The following SATL1 variants were observed in gnomAD, a reference collection of about 807,000 sequenced individuals.
SATL1 encodes the protein spermidine/spermine N1-acetyl transferase like 1, also known as spermidine/spermine N(1)-acetyltransferase-like protein 1.
Under a neutral mutation model 51.8 loss-of-function variants are expected in SATL1, and 47 were observed. That is an observed-to-expected ratio of 0.91 (90% CI 0.72 to 1.16). The LOEUF is 1.16. SATL1 is among the 50% of genes most tolerant of loss of function. The pLI is 0.00. For synonymous variants in SATL1, 176 were observed against 182.4 expected (o/e 0.97, Z 0.28); for missense variants, 520 against 526.4 (o/e 0.99, Z 0.12).
At chrX:85,217,386 T>C (rs986516250) in intron 2 of SATL1, among the ~76,000 whole-genome samples, 1 of 110,349 alleles carries the variant, frequency 9.1e-6, no homozygotes, top group Admixed American at 9.7e-5. Flanking sequence ...CAAAAAGTAG[T>C]GGTAGTAATT....
At chrX:85,166,949 G>A (rs866501693) in intron 2 of SATL1, among the ~76,000 whole-genome samples, 140 of 96,149 alleles carry the variant, frequency 1.5e-3, no homozygotes, top group African/African-American at 4.7e-3. Flanking sequence ...GTATGTGTGT[G>A]TGTGTGTGTG....
chrX:85,236,575 G>T (rs746404801), intron 1 of SATL1, among the ~76,000 whole-genome samples: 2 of 111,424 alleles, frequency 1.8e-5, no homozygotes, highest in Admixed American at 1.9e-4. Context: ...CTAACAGAAT[G>T]TAGGACAAAA....
chrX:85,137,094 C>T (rs1410616994), intron 2 of SATL1, among the ~76,000 whole-genome samples: 1 of 110,986 alleles, frequency 9.0e-6, no homozygotes, highest in Non-Finnish European at 1.9e-5. Context: ...AGCGTGGGCT[C>T]AGGAACACAT....
chrX:85,122,096 C>T (rs1312184507), intron 2 of SATL1, among the ~76,000 whole-genome samples: 1 of 109,553 alleles, frequency 9.1e-6, no homozygotes, highest in Non-Finnish European at 1.9e-5. Context: ...CATTCTCTCT[C>T]GCTCTCATAT....
At chrX:85,139,768 CT>C (rs751644150) in intron 2 of SATL1, among the ~76,000 whole-genome samples, 18 of 111,598 alleles carry the variant, frequency 1.6e-4, no homozygotes, top group Non-Finnish European at 3.2e-4. Flanking sequence ...TATACTATGC[CT>C]TTTTCAAGAT....
intron 2 of SATL1, among the ~76,000 whole-genome samples, chrX:85,212,410 G>C (rs949915041): frequency 9.0e-6 from 1 of 111,457 alleles, no homozygotes; most frequent in African/African-American, 3.2e-5. Flanking sequence ...CAGACATCCT[G>C]AGAAAGAACA....
chrX:85,191,501 C>T (rs1392449859), intron 2 of SATL1, among the ~76,000 whole-genome samples: 2 of 111,375 alleles, frequency 1.8e-5, no homozygotes, highest in African/African-American at 6.5e-5. Context: ...GGAGCACTGA[C>T]ACCATGTGCA....
In SATL1 at chrX:85,187,919, G is replaced by GTT. The variant is rs1217682934; in HGVS notation, c.-313+36284_-313+36285dup. Among the ~76,000 whole-genome samples, 10 of 106,279 alleles carry GTT rather than the reference G, an allele frequency of 9.4e-5. No homozygotes were observed. The East Asian group carries it at 2.3e-3, about 25-fold the overall frequency. The allele number at this position is 106,279 out of a possible 115,157, so 92.3% of individuals were successfully genotyped here. ...GAATTTTCATTAATTTCTCTTTAAT[G>GTT]TTTTTTTTTTAAGTTCTAAACCTTT... On this transcript the variant is annotated intron_variant, in intron 2 of 7. Transcript: ENST00000644105.
rs773839396 is a variant in SATL1, at chrX:85,107,589, G to T, written c.1380C>A (p.Gly460=). The change falls in exon 3 of 8, where the codon GGC becomes GGA. Residue 460 remains glycine (G), a synonymous_variant. Transcript: ENST00000644105. The part of the protein sequence containing the change: ...VPSQLGMRQP[G]TSQSSKNQTG... ...TTTGGTTCTTACTTGATTGGCTAGT[G>T]CCTGGTTGTCTCATGCCTAGTTGGC... is the stretch of plus-strand genomic sequence containing the variant. 1.7e-6 allele frequency: 2 copies of T among 1,211,180 alleles called. No homozygotes were observed. Among genetic ancestry groups the T allele is most frequent in the African/African-American group, 3.5e-5 (2 of 57,602 alleles).
chrX:85,149,042 C>T (rs1399553818), intron 2 of SATL1, among the ~76,000 whole-genome samples: 1 of 111,481 alleles, frequency 9.0e-6, no homozygotes, highest in South Asian at 3.9e-4. Context: ...AGAGTCAAGA[C>T]CCATCAGTGT....
intron 2 of SATL1, among the ~76,000 whole-genome samples, chrX:85,147,022 C>A (rs1926264556): frequency 8.9e-6 from 1 of 112,625 alleles, no homozygotes; most frequent in Non-Finnish European, 1.9e-5. Flanking sequence ...CGAGGCATTG[C>A]CTCACTTGGG....
chrX:85,158,948 A>C (rs1037513805), intron 2 of SATL1, among the ~76,000 whole-genome samples: 3 of 111,845 alleles, frequency 2.7e-5, no homozygotes, highest in Non-Finnish European at 5.6e-5. Flanking sequence ...CCTAGATAAT[A>C]ATACAAAAAT....
chrX:85,140,163 C>T (rs772967757), intron 2 of SATL1, among the ~76,000 whole-genome samples: 1 of 112,130 alleles, frequency 8.9e-6, no homozygotes, highest in Non-Finnish European at 1.9e-5. Context: ...CATTTCTTGC[C>T]TGATTTTTTC....
chrX:85,106,113 C>T (rs762425311), intron 3 of SATL1, among the ~76,000 whole-genome samples: 1 of 111,700 alleles, frequency 9.0e-6, no homozygotes, highest in East Asian at 2.8e-4. Context: ...TTATTAATTG[C>T]CGACCGAGTG....
intron 1 of SATL1, among the ~76,000 whole-genome samples, chrX:85,227,514 G>T (rs1928299245): frequency 8.9e-6 from 1 of 111,948 alleles, no homozygotes; most frequent in African/African-American, 3.2e-5. Flanking sequence ...CTTGATAGAA[G>T]TATACACCAC....
At chrX:85,113,955 G>A (rs190275920) in intron 2 of SATL1, among the ~76,000 whole-genome samples, 3 of 111,451 alleles carry the variant, frequency 2.7e-5, no homozygotes, top group Non-Finnish European at 3.8e-5. Flanking sequence ...CCATGTACAG[G>A]GACTGTGTAT....
At chrX:85,211,886 G>T (rs958119314) in intron 2 of SATL1, 2 of 111,552 alleles carry the variant, frequency 1.8e-5, no homozygotes, top group African/African-American at 6.5e-5. Flanking sequence ...GATTAGTCCT[G>T]GAGCTATCTT....
intron 2 of SATL1, chrX:85,117,403 A>C: frequency 9.0e-6 from 1 of 111,665 alleles, no homozygotes; most frequent in Non-Finnish European, 1.9e-5. Context: ...GCTTGGTTTC[A>C]TCTAAATAAA....
At chrX:85,193,315 A>C (rs1927481496) in intron 2 of SATL1, among the ~76,000 whole-genome samples, 1 of 111,637 alleles carries the variant, frequency 9.0e-6, no homozygotes, top group Admixed American at 9.6e-5. Flanking sequence ...TACATGCCTA[A>C]CCCAGGAAAT....
Sources: allele counts gnomAD v4.1 joint callset (sites outside exome capture counted in the v4.1 genomes callset), GRCh38; gene constraint gnomAD v4.1.1; transcripts MANE v1.5; gene names NCBI Gene and HGNC (gene_info 2026-07-23, HGNC 2026-07-21).